SMURF1: variants seen among roughly 807,000 people sequenced by gnomAD.
SMURF1 encodes SMAD specific E3 ubiquitin protein ligase 1.
Under a neutral mutation model 98.0 loss-of-function variants are expected in SMURF1, and 44 were observed. The observed-to-expected ratio is 0.45, with a 90% CI of 0.35 to 0.58. SMURF1 has a LOEUF of 0.58. SMURF1 is among the 20% of genes least tolerant of loss of function. The probability of loss-of-function intolerance (pLI) is 0.00; values close to 1 mark genes in which losing one functional copy is unlikely to be tolerated. For synonymous variants in SMURF1, 396 were observed against 374.9 expected, an observed-to-expected ratio of 1.06 and a Z score of -0.65; for missense variants, 687 against 938.4, an observed-to-expected ratio of 0.73 and a Z score of 3.50.
At chr7:99,101,262 C>T (rs1223222273) in intron 1 of SMURF1, among the ~76,000 whole-genome samples, 1 of 152,142 alleles carries the variant, frequency 6.6e-6, no homozygotes, top group Non-Finnish European at 1.5e-5. Flanking sequence ...GTCCCAGCTA[C>T]TCAGGAGGCT....
At chr7:99,134,592 T>C (rs1160979873) in intron 1 of SMURF1, among the ~76,000 whole-genome samples, 1 of 152,196 alleles carries the variant, frequency 6.6e-6, no homozygotes, top group Non-Finnish European at 1.5e-5. Context: ...GATGCCAATA[T>C]TGCTTTTTAA....
chr7:99,123,505 G>C (rs996750994), intron 1 of SMURF1, among the ~76,000 whole-genome samples: 1 of 152,160 alleles, frequency 6.6e-6, no homozygotes, highest in Non-Finnish European at 1.5e-5. Flanking sequence ...CTGCACTCTA[G>C]CCTGGGTGAC....
intron 1 of SMURF1, among the ~76,000 whole-genome samples, chr7:99,095,269 G>A (rs1278059739): frequency 6.6e-6 from 1 of 151,906 alleles, no homozygotes; most frequent in African/African-American, 2.4e-5. Context: ...TAGTAGAGAC[G>A]GGGTTTCACC....
intron 1 of SMURF1, among the ~76,000 whole-genome samples, chr7:99,088,132 C>T (rs2150575360): frequency 6.6e-6 from 1 of 151,964 alleles, no homozygotes; most frequent in East Asian, 1.9e-4. Flanking sequence ...GTGGCAGGCG[C>T]CTGTAATCCC....
At chr7:99,057,698 A>C (rs1795918776) in intron 3 of SMURF1, 147 bp from the exon 4 acceptor site, 7 of 965,966 alleles carry the variant, frequency 7.2e-6, no homozygotes, top group Non-Finnish European at 9.9e-6. Context: ...CCCAAGTTCA[A>C]GTGATTCTCC....
chr7:99,037,890 A>T (rs997563117), intron 14 of SMURF1, among the ~76,000 whole-genome samples: 11 of 152,218 alleles, frequency 7.2e-5, no homozygotes, highest in Non-Finnish European at 1.5e-4. Context: ...TAAAAATTTA[A>T]AAATTGTTTA....
intron 10 of SMURF1, among the ~76,000 whole-genome samples, chr7:99,046,450 C>T (rs984613310): frequency 4.6e-5 from 7 of 152,144 alleles, no homozygotes; most frequent in Admixed American, 3.9e-4. Flanking sequence ...GCAACCCAGC[C>T]GGGCGCGGTG....
intron 1 of SMURF1, among the ~76,000 whole-genome samples, chr7:99,110,553 C>T (rs1045155262): frequency 3.3e-5 from 5 of 152,230 alleles, no homozygotes; most frequent in African/African-American, 1.2e-4. Context: ...TGCCATCTCT[C>T]ACCTATCAGA....
intron 1 of SMURF1, 63 bp downstream of exon 1, chr7:99,143,663 G>T: frequency 1.4e-6 from 2 of 1,432,996 alleles, no homozygotes; most frequent in African/African-American, 1.5e-5. Flanking sequence ...AGGGCGCCCT[G>T]CGGGGAATTC....
rs147899262 is a variant in SMURF1, at chr7:99,117,631, G to A, written c.55+26095C>T. Among the ~76,000 whole-genome samples the A allele has an allele frequency of 7.7e-3, 1,160 of 151,288 alleles. 12 individuals carry two copies. Among genetic ancestry groups the A allele is most frequent in the African/African-American group, 0.027 (1,096 of 41,230 alleles). On this transcript the variant is annotated intron_variant, in intron 1 of 17. Coordinates refer to ENST00000361368, the MANE Select transcript of SMURF1 (RefSeq NM_181349.3). Reference sequence around the variant, plus strand: ...CTCCCAAAGTGCTGGGATTACAGGCGTGAGCCACTGCACCCGGCCACAACA... The same window carrying A: ...CTCCCAAAGTGCTGGGATTACAGGCATGAGCCACTGCACCCGGCCACAACA...
In SMURF1 at chr7:99,060,714, G is replaced by A. The variant is rs555031578; in HGVS notation, c.95-7C>T. ...GCAAAAGGGTCAGGGAGCCCTAGAGGAGAGAGGAGACCCACACCTAGATGA... is the reference window on the plus strand; with the variant it reads ...GCAAAAGGGTCAGGGAGCCCTAGAGAAGAGAGGAGACCCACACCTAGATGA... On this transcript the variant is annotated splice_polypyrimidine_tract_variant and splice_region_variant and intron_variant, in intron 2 of 17. Transcript: ENST00000361368. 3 of 1,606,332 alleles carry A rather than the reference G, an allele frequency of 1.9e-6. No homozygotes were observed. In the South Asian group the frequency reaches 3.3e-5, roughly 18 times the overall value.
intron 1 of SMURF1, among the ~76,000 whole-genome samples, chr7:99,119,918 T>G (rs1797563105): frequency 6.6e-6 from 1 of 152,216 alleles, no homozygotes; most frequent in Non-Finnish European, 1.5e-5. Context: ...TTGGTTTAAC[T>G]CATGGTGATA....
intron 1 of SMURF1, among the ~76,000 whole-genome samples, chr7:99,117,852 G>T (rs1234885856): frequency 6.6e-6 from 1 of 151,850 alleles, no homozygotes. Context: ...GGCCAAGGCA[G>T]GCGGACCACC....
At chr7:99,061,974 T>C (rs535763248) in intron 1 of SMURF1, 137 bp from the exon 2 acceptor site, 4 of 567,806 alleles carry the variant, frequency 7.0e-6, no homozygotes, top group Non-Finnish European at 1.2e-5. Flanking sequence ...TAGTATCATA[T>C]GAAACAAAAA....
At chr7:99,077,614 G>C (rs914552109) in intron 1 of SMURF1, among the ~76,000 whole-genome samples, 4 of 152,130 alleles carry the variant, frequency 2.6e-5, no homozygotes, top group Non-Finnish European at 5.9e-5. Flanking sequence ...TTACAGGTGT[G>C]AGCCACTGCG....
chr7:99,028,926 C>T lies in SMURF1; in HGVS notation c.*1658G>A, dbSNP rs1794789241. 1.3e-5 allele frequency: 2 copies of T among 152,188 alleles called. No individual in the cohort carries two copies. The highest frequency in any genetic ancestry group is 6.5e-5 in the Admixed American group (1 of 15,280). 9.4% of individuals were successfully genotyped at this position (152,188 alleles called of 1,614,324 possible). A position where few individuals can be genotyped will look rare whatever the true frequency, so the allele number is the denominator to read the frequency against. The stretch of plus-strand genomic sequence containing the variant: ...CTTCTAGAACACCCTCAGGAAGCAT[C>T]ATGGTGAATGAGACACAGGATGTGC... On this transcript the variant is annotated 3_prime_UTR_variant, in exon 18 of 18. Transcript: ENST00000361368.
At chr7:99,126,001 C>A (rs1263281447) in intron 1 of SMURF1, among the ~76,000 whole-genome samples, 1 of 152,180 alleles carries the variant, frequency 6.6e-6, no homozygotes, top group Non-Finnish European at 1.5e-5. Context: ...GGTCTCTCAG[C>A]CCACCCAGAT....
intron 1 of SMURF1, among the ~76,000 whole-genome samples, chr7:99,066,092 T>G (rs976961832): frequency 5.3e-5 from 8 of 151,860 alleles, no homozygotes; most frequent in African/African-American, 1.7e-4. Context: ...TCTCCCTTTT[T>G]CCTCTGAATC....
intron 5 of SMURF1, among the ~76,000 whole-genome samples, chr7:99,055,847 C>G (rs1396335895): frequency 6.6e-6 from 1 of 151,902 alleles, no homozygotes; most frequent in Non-Finnish European, 1.5e-5. Flanking sequence ...GCAGCTGTAA[C>G]TCCAGCTACT....
Sources: gnomAD v4.1 joint callset for allele counts (sites outside exome capture counted in the v4.1 genomes callset) on GRCh38, gnomAD v4.1.1 for gene constraint, MANE v1.5 for transcripts, NCBI Gene and HGNC (gene_info 2026-07-23, HGNC 2026-07-21) for gene names.